RPH3AL: variants seen among roughly 807,000 people sequenced by gnomAD.
RPH3AL encodes rab effector Noc2.
Under a neutral mutation model 43.1 loss-of-function variants are expected in RPH3AL, and 38 were observed. The ratio of observed to expected loss-of-function variants is 0.88; its 90% CI spans 0.68 to 1.15. The LOEUF is 1.15. RPH3AL is among the 50% of genes most tolerant of loss of function. The pLI, the probability that RPH3AL is intolerant of heterozygous loss-of-function variation, is 0.00. For synonymous variants in RPH3AL, 189 were observed against 176.3 expected, an observed-to-expected ratio of 1.07 and a Z score of -0.57; for missense variants, 462 against 423.2, an observed-to-expected ratio of 1.09 and a Z score of -0.81.
At chr17:237,861 C>G (rs1431176089) in intron 7 of RPH3AL, among the ~76,000 whole-genome samples, 1 of 152,222 alleles carries the variant, frequency 6.6e-6, no homozygotes, top group African/African-American at 2.4e-5. Context: ...AGAAATGACA[C>G]AGCAGGCCGG....
In RPH3AL at chr17:290,818, G is replaced by A. The variant is rs1000255359; in HGVS notation, c.352-8964C>T. Among the ~76,000 whole-genome samples, 19 of 152,174 alleles carry A rather than the reference G, an allele frequency of 1.2e-4. No homozygotes were observed. Among genetic ancestry groups the A allele is most frequent in the Middle Eastern group, 6.3e-3 (2 of 316 alleles). On this transcript the variant is annotated intron_variant, in intron 5 of 9. Coordinates refer to ENST00000331302, the MANE Select transcript of RPH3AL (RefSeq NM_006987.4). The surrounding 1 kb of genome is among the most constrained non-coding windows in gnomAD (Gnocchi z 4.2). Reference sequence around the variant, plus strand: ...GACGCCGCCATCTCACAGCACCCGCGGTCTGGAGTCAGTCACTGGCAGCCT... The same window carrying A: ...GACGCCGCCATCTCACAGCACCCGCAGTCTGGAGTCAGTCACTGGCAGCCT...
chr17:346,799 GCAAA>G lies in RPH3AL; in HGVS notation c.-213+5909_-213+5912del, dbSNP rs564868164. On this transcript the variant is annotated intron_variant, in intron 1 of 9. Coordinates refer to ENST00000331302, the MANE Select transcript of RPH3AL (RefSeq NM_006987.4). ...ACACTTCACTGAAGATATACAAATG[GCAAA>G]CAAGCCAATGAAAAGATGTCCAACA... Among the ~76,000 whole-genome samples, 75 of 135,446 alleles carry G rather than the reference GCAAA, an allele frequency of 5.5e-4. 6 individuals carry two copies. The highest frequency in any genetic ancestry group is 1.9e-3 in the African/African-American group (74 of 39,592). The allele number at this position is 135,446 out of a possible 152,430, so 88.9% of individuals were successfully genotyped here.
chr17:253,675 C>G (rs536626633), intron 6 of RPH3AL, among the ~76,000 whole-genome samples: 1 of 132,982 alleles, frequency 7.5e-6, no homozygotes, highest in African/African-American at 3.0e-5. Flanking sequence ...TCCCTAGGAA[C>G]GTTACTACCC....
chr17:233,078 C>T (rs2041268991), intron 7 of RPH3AL, among the ~76,000 whole-genome samples: 1 of 151,820 alleles, frequency 6.6e-6, no homozygotes, highest in Non-Finnish European at 1.5e-5. Context: ...CTTATCAAAG[C>T]ATAGTGGGGA....
chr17:238,489 C>G (rs1401428806), intron 7 of RPH3AL, among the ~76,000 whole-genome samples: 2 of 152,180 alleles, frequency 1.3e-5, no homozygotes, highest in African/African-American at 2.4e-5. Flanking sequence ...ACCTGAGAAT[C>G]GCTTCCGCGC....
In RPH3AL at chr17:327,577, C is replaced by G; in HGVS notation, c.-34G>C. On this transcript the variant is annotated splice_region_variant and 5_prime_UTR_variant, in exon 3 of 10. It removes an upstream start codon present in the reference 5' UTR. Transcript: ENST00000331302. ...GCACCCGGCTGGGGGTGGGGAGTCA[C>G]ATCTGAGATGAAGGAGGGAAGACGA... The G allele has an allele frequency of 6.2e-7, 1 of 1,601,228 alleles. No individual in the cohort carries two copies. Among genetic ancestry groups the G allele is most frequent in the African/African-American group, 1.3e-5 (1 of 74,770 alleles).
rs148066466 is a variant in RPH3AL, at chr17:232,623, T to TC, written c.614-12888dup. On this transcript the variant is annotated intron_variant, in intron 7 of 9. Transcript: ENST00000331302. ...CTCAGCTGGGAGGGATGACATTCATTCCCCAAGTGTCTGGCTGGACCAGAG... is the reference window on the plus strand; with the variant it reads ...CTCAGCTGGGAGGGATGACATTCATTCCCCCAAGTGTCTGGCTGGACCAGAG... Among the ~76,000 whole-genome samples, 283 of 152,272 alleles carry TC rather than the reference T, an allele frequency of 1.9e-3. 2 individuals are homozygous for TC. Among genetic ancestry groups the TC allele is most frequent in the African/African-American group, 6.4e-3 (264 of 41,564 alleles).
intron 7 of RPH3AL, 54 bp downstream of exon 7, chr17:247,057 G>A: frequency 1.2e-6 from 2 of 1,601,222 alleles, no homozygotes; most frequent in Admixed American, 3.3e-5. Context: ...TGCCGGGCTG[G>A]CTAATGACCC....
At chr17:285,459 C>T (rs540133922) in intron 5 of RPH3AL, among the ~76,000 whole-genome samples, 10 of 152,306 alleles carry the variant, frequency 6.6e-5, no homozygotes, top group South Asian at 2.1e-4. Flanking sequence ...AATAGCGACT[C>T]GATAAATGCC....
intron 1 of RPH3AL, among the ~76,000 whole-genome samples, chr17:334,470 G>C (rs1018883612): frequency 4.1e-4 from 49 of 119,170 alleles, no homozygotes; most frequent in Middle Eastern, 0.012. Context: ...CGCCTTCTCC[G>C]AGGGCCAGCC....
rs1310433590 is a variant in RPH3AL at position 323,360 on chromosome 17, G to T, written c.78-1945C>A. Among the ~76,000 whole-genome samples, 1 of 152,154 alleles carries T rather than the reference G, an allele frequency of 6.6e-6. No individual in the cohort carries two copies. Among genetic ancestry groups the T allele is most frequent in the Non-Finnish European group, 1.5e-5 (1 of 68,022 alleles). On this transcript the variant is annotated intron_variant, in intron 3 of 9. Coordinates refer to ENST00000331302, the MANE Select transcript of RPH3AL (RefSeq NM_006987.4). This position sits in a 1 kb window ranked among gnomAD's most constrained non-coding sequence, Gnocchi z 4.4. ...CCGGGGCAGCAGGGCAGGGCTGGAA[G>T]GGGGGCAAGGCCAGTAGAGTGGGCA...
intron 7 of RPH3AL, among the ~76,000 whole-genome samples, chr17:230,760 A>C (rs140140432): frequency 2.0e-5 from 3 of 152,176 alleles, no homozygotes; most frequent in African/African-American, 7.2e-5. Context: ...TTTCGGGTGC[A>C]TCCTGACTCC....
chr17:236,920 G>A (rs1243598771), intron 7 of RPH3AL, among the ~76,000 whole-genome samples: 8 of 152,266 alleles, frequency 5.3e-5, no homozygotes, highest in Admixed American at 3.3e-4. Context: ...CAGCCTGGCC[G>A]CCTACAGGAC....
At chr17:293,219 C>T (rs985883888) in intron 5 of RPH3AL, among the ~76,000 whole-genome samples, 8 of 152,174 alleles carry the variant, frequency 5.3e-5, no homozygotes, top group Non-Finnish European at 8.8e-5. Context: ...CTTTCAAGCT[C>T]GGCTTCCAAA....
At chr17:275,504 A>G (rs2042633119) in intron 6 of RPH3AL, among the ~76,000 whole-genome samples, 1 of 152,140 alleles carries the variant, frequency 6.6e-6, no homozygotes, top group African/African-American at 2.4e-5. Context: ...TAACGACTCC[A>G]GTGGTAATTA....
rs372761475 is a variant in RPH3AL, at chr17:258,757, G to GTTTTTTTTTTTTTTTTTTTTTTTT, written c.439-11473_439-11472insAAAAAAAAAAAAAAAAAAAAAAAA. Among the ~76,000 whole-genome samples the GTTTTTTTTTTTTTTTTTTTTTTTT allele has an allele frequency of 5.1e-5, 5 of 98,770 alleles. 2 individuals are homozygous for GTTTTTTTTTTTTTTTTTTTTTTTT. 64.8% of individuals were successfully genotyped at this position (98,770 alleles called of 152,430 possible). A position where few individuals can be genotyped will look rare whatever the true frequency, so the allele number is the denominator to read the frequency against. On this transcript the variant is annotated intron_variant, in intron 6 of 9. Transcript: ENST00000331302. ...TCAGCCATTTTGGGATAGTCAACCC[G>GTTTTTTTTTTTTTTTTTTTTTTTT]TTTTTTTTTTTTTTTTTTTTTGAGA...
In RPH3AL at chr17:215,413, A is replaced by G. The variant is rs2040772479; in HGVS notation, c.876+241T>C. On this transcript the variant is annotated intron_variant, in intron 9 of 9. Transcript: ENST00000331302. This position sits in a 1 kb window ranked among gnomAD's most constrained non-coding sequence, Gnocchi z 4.1. ...CACGTTTTATGTAGCAGAGGATGGT[A>G]ACCACTGCTGTGATTACCGAGAGTG... Among the ~76,000 whole-genome samples the G allele has an allele frequency of 6.6e-6, 1 of 152,206 alleles. No individual in the cohort carries two copies.
At chr17:342,736 T>C (rs2151731368) in intron 1 of RPH3AL, among the ~76,000 whole-genome samples, 1 of 152,336 alleles carries the variant, frequency 6.6e-6, no homozygotes, top group South Asian at 2.1e-4. Flanking sequence ...AGGGTTTCTG[T>C]ATGTGGTGAT....
At chr17:223,568 G>A (rs981820627) in intron 7 of RPH3AL, among the ~76,000 whole-genome samples, 7 of 152,212 alleles carry the variant, frequency 4.6e-5, no homozygotes, top group East Asian at 1.9e-4. Flanking sequence ...TCTATACTGC[G>A]GTGGCTAGCA....
Sources: allele counts gnomAD v4.1 joint callset (sites outside exome capture counted in the v4.1 genomes callset), GRCh38; gene constraint gnomAD v4.1.1; non-coding constraint Gnocchi (gnomAD v3.1); transcripts MANE v1.5; gene names NCBI Gene and HGNC (gene_info 2026-07-23, HGNC 2026-07-21).